Variants in MICOS10 observed in about 807,000 individuals in gnomAD.
MICOS10 encodes the protein MICOS complex subunit MIC10.
In MICOS10, 5 loss-of-function variants were observed where a neutral mutation model predicts 13.4. The ratio of observed to expected loss-of-function variants is 0.37; its 90% confidence interval spans 0.20 to 0.78. MICOS10 has a LOEUF of 0.78. Among genes scored for constraint, MICOS10 ranks in the 30% least tolerant of loss-of-function variants. The pLI, the probability that MICOS10 is intolerant of heterozygous loss-of-function variation, is 0.47. For synonymous variants in MICOS10, 35 were observed against 33.6 expected (o/e 1.04, Z -0.15); for missense variants, 101 against 94.6 (o/e 1.07, Z -0.28).
intron 1 of MICOS10, 94 bp from the exon 2 acceptor site, chr1:19,622,006 T>C (rs2094905318): frequency 3.3e-6 from 3 of 901,242 alleles, no homozygotes; most frequent in Admixed American, 5.3e-5. Context: ...TGAAAAAAAA[T>C]CTGTTTAATG....
intron 1 of MICOS10, among the ~76,000 whole-genome samples, chr1:19,610,106 C>T (rs1173342814): frequency 6.6e-6 from 1 of 152,126 alleles, no homozygotes; most frequent in African/African-American, 2.4e-5. Flanking sequence ...CGCTCCACTG[C>T]ACTCCAGCCT....
Position 19,627,262 on chromosome 1 carries a change from G to C in MICOS10, c.*861G>C, listed in dbSNP as rs2094925003. ...TCATATTTTAGCAATTTCTTCAGAC[G>C]ATATACAGAACCCCAGCGCTCAGCC... On this transcript the variant is annotated 3_prime_UTR_variant, in exon 4 of 4. Coordinates refer to ENST00000322753, the MANE Select transcript of MICOS10 (RefSeq NM_001032363.4). The C allele has an allele frequency of 6.6e-6, 1 of 152,194 alleles. No individual in the cohort carries two copies. The highest frequency in any genetic ancestry group is 2.4e-5 in the African/African-American group (1 of 41,442). The allele number at this position is 152,194 out of a possible 1,614,324, so 9.4% of individuals were successfully genotyped here.
chr1:19,614,846 C>T (rs943079687), intron 1 of MICOS10, among the ~76,000 whole-genome samples: 2 of 152,194 alleles, frequency 1.3e-5, no homozygotes, highest in Admixed American at 6.5e-5. Flanking sequence ...TTTGTAGCCT[C>T]CTCTCCTGCT....
At chr1:19,617,564 A>T (rs1327340233) in intron 1 of MICOS10, among the ~76,000 whole-genome samples, 1 of 152,114 alleles carries the variant, frequency 6.6e-6, no homozygotes, top group Non-Finnish European at 1.5e-5. Context: ...ACTTTAAACT[A>T]TTTTTTCCGT....
At chr1:19,610,554 C>T (rs2094856646) in intron 1 of MICOS10, among the ~76,000 whole-genome samples, 1 of 151,236 alleles carries the variant, frequency 6.6e-6, no homozygotes, top group South Asian at 2.1e-4. Flanking sequence ...ACAGATTGAT[C>T]TTAACGGATA....
chr1:19,619,718 T>A (rs1158863508), intron 1 of MICOS10, among the ~76,000 whole-genome samples: 1 of 152,244 alleles, frequency 6.6e-6, no homozygotes, highest in Non-Finnish European at 1.5e-5. Context: ...GGTTTTATGA[T>A]GTTCTGTTGG....
chr1:19,625,751 C>A, intron 3 of MICOS10: 1 of 1,069,218 alleles, frequency 9.4e-7, no homozygotes, highest in Non-Finnish European at 1.2e-6. Context: ...AAATATTGTT[C>A]CATTTTTTAC....
intron 1 of MICOS10, among the ~76,000 whole-genome samples, chr1:19,602,048 A>G (rs189865351): frequency 1.3e-5 from 2 of 151,780 alleles, no homozygotes; most frequent in Admixed American, 1.3e-4. Context: ...TTATCACATC[A>G]TTTTTCTTAA....
intron 1 of MICOS10, among the ~76,000 whole-genome samples, chr1:19,613,401 G>A (rs78425692): frequency 0.21 from 31,973 of 152,126 alleles, 4,239 homozygotes; most frequent in East Asian, 0.52. Context: ...GGCATAAAAG[G>A]TTGTCGTTCT....
At chr1:19,611,795 A>G (rs2094863044) in intron 1 of MICOS10, among the ~76,000 whole-genome samples, 1 of 151,438 alleles carries the variant, frequency 6.6e-6, no homozygotes. Context: ...AACATGGTGA[A>G]ACCCTGTCTC....
At chr1:19,616,435 T>G (rs945110456) in intron 1 of MICOS10, among the ~76,000 whole-genome samples, 1 of 152,192 alleles carries the variant, frequency 6.6e-6, no homozygotes, top group Non-Finnish European at 1.5e-5. Flanking sequence ...TTTATAGGCC[T>G]CAGCGCATTT....
At chr1:19,617,298 T>C (rs2094887734) in intron 1 of MICOS10, 1 of 985,096 alleles carries the variant, frequency 1.0e-6, no homozygotes, top group African/African-American at 1.7e-5. Context: ...TCCCTGCAGA[T>C]GTTCCAGCCT....
intron 1 of MICOS10, chr1:19,608,586 AT>A: frequency 1.3e-6 from 1 of 791,286 alleles, no homozygotes. Context: ...TCCTCAAAAT[AT>A]TTTCTGTTAA....
intron 1 of MICOS10, among the ~76,000 whole-genome samples, chr1:19,598,475 A>G (rs2094801300): frequency 6.6e-6 from 1 of 152,194 alleles, no homozygotes; most frequent in Non-Finnish European, 1.5e-5. Flanking sequence ...GCAATGTCAT[A>G]TAGTTAAGAA....
At chr1:19,613,129 C>T (rs960719141) in intron 1 of MICOS10, among the ~76,000 whole-genome samples, 4 of 152,160 alleles carry the variant, frequency 2.6e-5, no homozygotes, top group Non-Finnish European at 4.4e-5. Flanking sequence ...TGAGAGATCA[C>T]AGGATGCAAG....
intron 1 of MICOS10, among the ~76,000 whole-genome samples, chr1:19,616,440 G>T (rs187976487): frequency 7.3e-4 from 111 of 152,240 alleles, no homozygotes; most frequent in African/African-American, 2.7e-3. Flanking sequence ...AGGCCTCAGC[G>T]CATTTGGATT....
intron 1 of MICOS10, among the ~76,000 whole-genome samples, chr1:19,615,756 C>G (rs2094881875): frequency 6.7e-6 from 1 of 148,504 alleles, no homozygotes; most frequent in Non-Finnish European, 1.5e-5. Flanking sequence ...GCTGAACTTT[C>G]CATTTTTCAA....
At position 19,597,162 on chromosome 1, in the gene MICOS10, A is replaced by G. The variant is rs1197115512; in HGVS notation, c.64+53A>G. The G allele has an allele frequency of 3.9e-6, 6 of 1,549,784 alleles. No homozygotes were observed. The Admixed American group carries it at 9.1e-5, about 24-fold the overall frequency. On this transcript the variant is annotated intron_variant, in intron 1 of 3. Transcript: ENST00000322753. ...CGGCCGGTGCAGAGCTGCTGGCTCC[A>G]GGCTGCGCTGCCCAGGAGGAAGGAA...
At chr1:19,623,342 T>G (rs2094910987) in intron 2 of MICOS10, 132 bp from the exon 3 acceptor site, 1 of 608,478 alleles carries the variant, frequency 1.6e-6, no homozygotes, top group Admixed American at 2.7e-5. Context: ...TAAAAATGTA[T>G]GGTTATTATA....
Sources: allele counts gnomAD v4.1 joint callset (sites outside exome capture counted in the v4.1 genomes callset), GRCh38; gene constraint gnomAD v4.1.1; transcripts MANE v1.5; gene names NCBI Gene and HGNC (gene_info 2026-07-23, HGNC 2026-07-21).